Variants in AK9 observed in about 807,000 individuals in gnomAD.
AK9 encodes the protein adenylate kinase domain containing 1.
A neutral mutation model predicts 239.6 loss-of-function variants in AK9; 191 were observed. The ratio of observed to expected loss-of-function variants is 0.80; its 90% confidence interval spans 0.71 to 0.90. The LOEUF is 0.90. AK9 is among the 40% of genes least tolerant of loss of function. AK9 has a pLI of 0.00. For synonymous variants in AK9, 689 were observed against 721.0 expected, an observed-to-expected ratio of 0.96 and a Z score of 0.71; for missense variants, 1,995 against 2,214.7, an observed-to-expected ratio of 0.90 and a Z score of 1.99.
chr6:109,515,345 T>C (rs1254149594), intron 31 of AK9, among the ~76,000 whole-genome samples: 2 of 152,168 alleles, frequency 1.3e-5, no homozygotes, highest in East Asian at 3.9e-4. Context: ...AAGGTGTGGG[T>C]AGGAATGAAG....
intron 7 of AK9, among the ~76,000 whole-genome samples, chr6:109,657,359 A>T (rs1003410856): frequency 5.3e-5 from 8 of 152,164 alleles, no homozygotes; most frequent in Admixed American, 2.0e-4. Flanking sequence ...CAAGTACACA[A>T]ATAAATATAT....
intron 15 of AK9, 107 bp from the exon 16 acceptor site, chr6:109,612,200 C>A: frequency 1.6e-6 from 1 of 637,090 alleles, no homozygotes. Flanking sequence ...CTCACATTCC[C>A]AATTTTTAAT....
intron 35 of AK9, among the ~76,000 whole-genome samples, chr6:109,499,819 C>T (rs185188300): frequency 4.6e-5 from 7 of 152,206 alleles, no homozygotes; most frequent in East Asian, 1.9e-4. Context: ...AGGTTGGTCT[C>T]GAATTCCTGG....
chr6:109,604,599 T>C (rs532553215), intron 17 of AK9, among the ~76,000 whole-genome samples: 1 of 152,322 alleles, frequency 6.6e-6, no homozygotes, highest in South Asian at 2.1e-4. Flanking sequence ...ATCAGGCCTA[T>C]ATACCATTTT....
chr6:109,629,150 C>T (rs150820498), intron 12 of AK9, among the ~76,000 whole-genome samples: 38 of 152,106 alleles, frequency 2.5e-4, no homozygotes, highest in Admixed American at 2.4e-3. Flanking sequence ...CACCATTTTG[C>T]CCAGGCTGGC....
chr6:109,686,210 G>A (rs1773484229), intron 1 of AK9, among the ~76,000 whole-genome samples: 1 of 152,170 alleles, frequency 6.6e-6, no homozygotes, highest in Admixed American at 6.5e-5. Context: ...GACCTAGTGA[G>A]CAGGAAGTTG....
At chr6:109,673,031 G>A (rs1771166226) in intron 3 of AK9, among the ~76,000 whole-genome samples, 1 of 152,188 alleles carries the variant, frequency 6.6e-6, no homozygotes, top group Admixed American at 6.5e-5. Flanking sequence ...AAGAGGAAAT[G>A]TATCATTCCT....
In AK9 at chr6:109,516,044, A is replaced by C; in HGVS notation, c.3878T>G (p.Ile1293Ser). Residue 1293 changes from isoleucine to serine, a missense_variant, in exon 31 of 41, where the codon ATT becomes AGT. By Grantham distance (142) the Ile-to-Ser change is moderately radical. Transcript: ENST00000424296. ...ATTTCTCCGAGCTCCATTAATGGAA[A>C]TTATTGGTATCAAATACCTCTCAAG... ...DELERYLIPI[I>S]SINGARRNHI... 2 of 1,550,738 alleles carry C rather than the reference A, an allele frequency of 1.3e-6. No homozygotes were observed. The highest frequency in any genetic ancestry group is 1.7e-6 in the Non-Finnish European group (2 of 1,146,194).
chr6:109,618,435 AAAAAAC>A (rs1354002638), intron 13 of AK9, among the ~76,000 whole-genome samples: 1 of 150,284 alleles, frequency 6.7e-6, no homozygotes, highest in African/African-American at 2.4e-5. Flanking sequence ...AACAGAAAAA[AAAAAAC>A]AAAACGCTTT....
chr6:109,618,963 T>C (rs538935266), intron 13 of AK9, 129 bp downstream of exon 13: 1 of 1,031,640 alleles, frequency 9.7e-7, no homozygotes, highest in African/African-American at 1.7e-5. Context: ...TCTTCAACCA[T>C]TTGTTAAGAG....
intron 35 of AK9, among the ~76,000 whole-genome samples, chr6:109,500,319 T>C (rs892963209): frequency 3.3e-5 from 5 of 152,170 alleles, no homozygotes; most frequent in Non-Finnish European, 5.9e-5. Flanking sequence ...ATTAAGAGTT[T>C]TCTCTCTATG....
intron 10 of AK9, among the ~76,000 whole-genome samples, chr6:109,638,670 A>G (rs1797012510): frequency 6.6e-6 from 1 of 151,918 alleles, no homozygotes; most frequent in Non-Finnish European, 1.5e-5. Context: ...TTTTAATTAT[A>G]CTTCAAGTTC....
intron 8 of AK9, among the ~76,000 whole-genome samples, 178 bp downstream of exon 8, chr6:109,656,578 A>G (rs902969853): frequency 1.2e-4 from 19 of 152,140 alleles, no homozygotes; most frequent in African/African-American, 4.6e-4. Flanking sequence ...GAGTAAAATA[A>G]TATTGTTCTG....
In AK9 at chr6:109,497,580, C is replaced by T; in HGVS notation, c.5217-17G>A. ...GCTTCATATCTGGAAGACCAAAAAACAAAACAAAACCTCTATTGTATAATT... is the reference window on the plus strand; with the variant it reads ...GCTTCATATCTGGAAGACCAAAAAATAAAACAAAACCTCTATTGTATAATT... On this transcript the variant is annotated splice_polypyrimidine_tract_variant and intron_variant, in intron 37 of 40. Coordinates refer to ENST00000424296, the MANE Select transcript of AK9 (RefSeq NM_001145128.3). The T allele has an allele frequency of 6.6e-7, 1 of 1,517,476 alleles. No homozygotes were observed. Among genetic ancestry groups the T allele is most frequent in the Non-Finnish European group, 9.1e-7 (1 of 1,103,704 alleles). The allele number at this position is 1,517,476 out of a possible 1,614,324, so 94.0% of individuals were successfully genotyped here. A position where few individuals can be genotyped will look rare whatever the true frequency, so the allele number is the denominator to read the frequency against.
Position 109,516,381 on chromosome 6 carries a change from T to C in AK9, c.3846+49A>G, listed in dbSNP as rs765852972. The C allele has an allele frequency of 3.0e-5, 45 of 1,478,398 alleles. 1 individual carries two copies. The highest frequency in any genetic ancestry group is 4.1e-5 in the Non-Finnish European group (45 of 1,089,038). 91.6% of individuals were successfully genotyped at this position (1,478,398 alleles called of 1,614,324 possible). A position where few individuals can be genotyped will look rare whatever the true frequency, so the allele number is the denominator to read the frequency against. On this transcript the variant is annotated intron_variant, in intron 30 of 40. Transcript: ENST00000424296. ...CATGAACTAAATTGCTTTAGTCTGA[T>C]TCTCAAATATTACTTTTGAATTATA...
At chr6:109,538,543 T>C (rs2128142931) in intron 27 of AK9, among the ~76,000 whole-genome samples, 1 of 152,246 alleles carries the variant, frequency 6.6e-6, no homozygotes, top group South Asian at 2.1e-4. Flanking sequence ...CACTGATGGG[T>C]CTTGACTCTT....
chr6:109,510,339 A>G lies in AK9; in HGVS notation c.4280-959T>C, dbSNP rs145333133. 2.5e-3 allele frequency among the ~76,000 whole-genome samples: 373 copies of G among 152,188 alleles called. 2 individuals carry two copies. The highest frequency in any genetic ancestry group is 2.9e-3 in the Non-Finnish European group (195 of 67,958). The stretch of plus-strand genomic sequence containing the variant: ...AGAAAGGAGTACCCTCTCTGTTGAC[A>G]GTGGAGTACCCTCTCTGTTGATAGC... On this transcript the variant is annotated intron_variant, in intron 32 of 40. Coordinates refer to ENST00000424296, the MANE Select transcript of AK9 (RefSeq NM_001145128.3).
At chr6:109,562,650 T>G (rs573736684) in intron 24 of AK9, among the ~76,000 whole-genome samples, 3 of 152,136 alleles carry the variant, frequency 2.0e-5, no homozygotes, top group Non-Finnish European at 2.9e-5. Flanking sequence ...TGCTTTTTGA[T>G]GGGGGGGCCA....
chr6:109,581,375 A>G (rs1788837904), intron 19 of AK9, among the ~76,000 whole-genome samples: 1 of 152,204 alleles, frequency 6.6e-6, no homozygotes, highest in Non-Finnish European at 1.5e-5. Context: ...CCAAGTTGTG[A>G]ATGCCAAAGA....
Sources: gnomAD v4.1 joint callset for allele counts (sites outside exome capture counted in the v4.1 genomes callset) on GRCh38, gnomAD v4.1.1 for gene constraint, MANE v1.5 for transcripts, NCBI Gene and HGNC (gene_info 2026-07-23, HGNC 2026-07-21) for gene names.